Variants in PDK3 observed in about 807,000 individuals in gnomAD.
PDK3 encodes the protein pyruvate dehydrogenase kinase 3.
Under a neutral mutation model 32.0 loss-of-function variants are expected in PDK3, and 12 were observed. The ratio of observed to expected loss-of-function variants is 0.37; its 90% CI spans 0.24 to 0.61. PDK3 has a LOEUF of 0.61. Ranked by LOEUF, PDK3 falls within the 20% of genes least tolerant of loss-of-function variation. The pLI is 0.65. For missense variants in PDK3, 188 were observed against 316.9 expected (o/e 0.59, Z 3.09); for synonymous variants, 122 against 116.3 (o/e 1.05, Z -0.31).
downstream of PDK3, among the ~76,000 whole-genome samples, chrX:24,537,285 T>A (rs1922800965): frequency 1.4e-5 from 1 of 73,479 alleles, no homozygotes; most frequent in African/African-American, 7.4e-5. Flanking sequence ...CCTGGCTATT[T>A]TTTTTTTTTT....
chrX:24,505,421 C>A (rs989777849), intron 5 of PDK3, 123 bp downstream of exon 5: 67 of 433,061 alleles, frequency 1.5e-4, no homozygotes, highest in East Asian at 2.1e-4. Context: ...ACTCTGGGCC[C>A]AAGCCACTGG....
chrX:24,519,061 C>A, intron 6 of PDK3, 51 bp downstream of exon 6: 1 of 739,874 alleles, frequency 1.4e-6, no homozygotes, highest in Non-Finnish European at 2.0e-6. Flanking sequence ...GACTAAGAAG[C>A]TGTTTATACC....
chrX:24,516,096 T>C (rs1922248918), intron 5 of PDK3, among the ~76,000 whole-genome samples: 1 of 111,957 alleles, frequency 8.9e-6, no homozygotes, highest in Non-Finnish European at 1.9e-5. Flanking sequence ...CCTAATCTTA[T>C]CTTTGTATTA....
intron 1 of PDK3, among the ~76,000 whole-genome samples, chrX:24,473,045 T>C (rs1180884948): frequency 9.1e-6 from 1 of 109,656 alleles, no homozygotes; most frequent in African/African-American, 3.3e-5. Flanking sequence ...AATTCCTTAT[T>C]GGGAGCAATG....
chrX:24,519,957 C>T (rs143502083), intron 6 of PDK3, among the ~76,000 whole-genome samples: 21 of 111,999 alleles, frequency 1.9e-4, no homozygotes, highest in African/African-American at 6.8e-4. Flanking sequence ...CTTTGGGAGG[C>T]CAAAGTGGGT....
intron 1 of PDK3, among the ~76,000 whole-genome samples, chrX:24,492,286 T>C (rs1921582294): frequency 8.9e-6 from 1 of 111,881 alleles, no homozygotes; most frequent in South Asian, 3.7e-4. Context: ...GTCGAAAATA[T>C]TGTAACTCAA....
intron 5 of PDK3, among the ~76,000 whole-genome samples, chrX:24,512,359 G>T (rs1380973589): frequency 8.9e-6 from 1 of 112,120 alleles, no homozygotes; most frequent in African/African-American, 3.2e-5. Context: ...TAATATAATA[G>T]CACACAAGTG....
At chrX:24,539,106 A>G (rs1449159045), downstream of PDK3, 2 of 1,018,289 alleles carry the variant, frequency 2.0e-6, no homozygotes, top group Non-Finnish European at 1.4e-6. Flanking sequence ...CAAACTCACT[A>G]TGGATATTCT....
chrX:24,542,145 T>C (rs1317741382), exon 12 of PDK3, among the ~76,000 whole-genome samples: 1 of 111,874 alleles, frequency 8.9e-6, no homozygotes, highest in Non-Finnish European at 1.9e-5. Flanking sequence ...ATTTCCTTTT[T>C]ATAGTGCTAA....
At chrX:24,519,045 A>G (rs1203009995) in intron 6 of PDK3, 35 bp downstream of exon 6, 5 of 939,282 alleles carry the variant, frequency 5.3e-6, no homozygotes, top group Non-Finnish European at 7.5e-6. Flanking sequence ...TACATTCAAA[A>G]AAGCTGACTA....
chrX:24,484,334 A>T (rs1452647217), intron 1 of PDK3, among the ~76,000 whole-genome samples: 2 of 112,592 alleles, frequency 1.8e-5, no homozygotes, highest in Non-Finnish European at 1.9e-5. Flanking sequence ...AATACCTACA[A>T]TGTACCAGGT....
exon 12 of PDK3, among the ~76,000 whole-genome samples, chrX:24,544,160 A>G (rs1441804830): frequency 2.7e-5 from 3 of 111,075 alleles, no homozygotes; most frequent in Non-Finnish European, 3.8e-5. Context: ...ATTTGGGGGA[A>G]TAAGGAGTGA....
At chrX:24,471,477 TTGA>T (rs1337316084) in intron 1 of PDK3, among the ~76,000 whole-genome samples, 1 of 112,462 alleles carries the variant, frequency 8.9e-6, no homozygotes, top group African/African-American at 3.2e-5. Flanking sequence ...CTCTAATTTA[TTGA>T]TGTTAACTTT....
exon 12 of PDK3, among the ~76,000 whole-genome samples, chrX:24,540,932 C>T (rs1922881061): frequency 2.0e-5 from 1 of 49,119 alleles, no homozygotes; most frequent in Non-Finnish European, 3.5e-5. Flanking sequence ...TTTTTTGAGA[C>T]ACAGTTTCAC....
intron 1 of PDK3, among the ~76,000 whole-genome samples, chrX:24,470,618 C>T (rs937950774): frequency 2.3e-4 from 21 of 91,847 alleles, no homozygotes; most frequent in African/African-American, 8.4e-4. Flanking sequence ...ACCCAGGAGG[C>T]GGAGGTTGCA....
At chrX:24,516,090 A>G (rs1336256638) in intron 5 of PDK3, among the ~76,000 whole-genome samples, 1 of 111,744 alleles carries the variant, frequency 8.9e-6, no homozygotes, top group Non-Finnish European at 1.9e-5. Context: ...ACATACCCTA[A>G]TCTTATCTTT....
At chrX:24,474,976 T>C (rs1921075453) in intron 1 of PDK3, among the ~76,000 whole-genome samples, 2 of 111,927 alleles carry the variant, frequency 1.8e-5, no homozygotes, top group Non-Finnish European at 3.8e-5. Flanking sequence ...TTGGAGATAC[T>C]TTGGTTCCAA....
In PDK3 at chrX:24,543,542, C is replaced by T. The variant is rs753886404; in HGVS notation, c.*4378C>T. On this transcript the variant is annotated 3_prime_UTR_variant, in exon 12 of 12. Transcript: ENST00000568479. ...TCTGCTCACTGCAACCTCCGCCTCC[C>T]GGGTTCAAGCAATTCTTCTGCCTCA... 4.6e-3 allele frequency among the ~76,000 whole-genome samples: 508 copies of T among 111,251 alleles called. 1 individual carries two copies. Among genetic ancestry groups the T allele is most frequent in the Non-Finnish European group, 8.2e-3 (437 of 53,023 alleles).
At chrX:24,475,477 T>C (rs2148180785) in intron 1 of PDK3, among the ~76,000 whole-genome samples, 1 of 110,652 alleles carries the variant, frequency 9.0e-6, no homozygotes, top group Admixed American at 9.7e-5. Context: ...GGCAACACAG[T>C]GAGACCCCTG....
Sources: allele counts gnomAD v4.1 joint callset (sites outside exome capture counted in the v4.1 genomes callset), GRCh38; gene constraint gnomAD v4.1.1; transcripts MANE v1.5; gene names NCBI Gene and HGNC (gene_info 2026-07-23, HGNC 2026-07-21).